The following GRM5 variants were observed in gnomAD, a reference collection of about 807,000 sequenced individuals.
GRM5 encodes metabotropic glutamate receptor 5.
GRM5 carries 19 observed loss-of-function variants against 83.1 expected under a neutral mutation model. The observed-to-expected ratio is 0.23, with a 90% CI of 0.16 to 0.34. The LOEUF is 0.34. Among genes scored for constraint, GRM5 ranks in the 10% least tolerant of loss-of-function variants. GRM5 has a pLI of 1.00. For synonymous variants in GRM5, 675 were observed against 633.6 expected (o/e 1.07, Z -0.98); for missense variants, 1,160 against 1,588.3 (o/e 0.73, Z 4.58).
rs145780253 is a variant in GRM5 at position 88,701,836 on chromosome 11, G to A, written c.912-48433C>T. On this transcript the variant is annotated intron_variant, in intron 3 of 9. Coordinates refer to ENST00000305447, the MANE Select transcript of GRM5 (RefSeq NM_001143831.3). ...TGTTTAGGTTAAGACAAGGAAGGCT[G>A]TTAACCAATGTACTGGGTCAGCGTG... Among the ~76,000 whole-genome samples, 30 of 152,250 alleles carry A rather than the reference G, an allele frequency of 2.0e-4. No individual in the cohort carries two copies. In the East Asian group the frequency reaches 5.8e-3, roughly 29 times the overall value.
chr11:88,661,678 C>A (rs969194449), intron 3 of GRM5, among the ~76,000 whole-genome samples: 11 of 152,200 alleles, frequency 7.2e-5, no homozygotes, highest in African/African-American at 2.4e-4. Context: ...TCTCAAATCT[C>A]TACACACTAG....
intron 2 of GRM5, among the ~76,000 whole-genome samples, chr11:88,980,663 A>G (rs376117769): frequency 8.6e-5 from 13 of 152,002 alleles, no homozygotes; most frequent in African/African-American, 2.4e-4. Flanking sequence ...TCTACTAAAA[A>G]ACACAAAAAG....
chr11:88,901,662 C>T (rs1370175931), intron 2 of GRM5, among the ~76,000 whole-genome samples: 2 of 152,194 alleles, frequency 1.3e-5, no homozygotes, highest in Admixed American at 1.3e-4. Flanking sequence ...TTCACATTAA[C>T]TTTTCAGCAA....
intron 3 of GRM5, among the ~76,000 whole-genome samples, chr11:88,733,829 A>G (rs921755875): frequency 1.3e-5 from 2 of 152,046 alleles, no homozygotes; most frequent in African/African-American, 4.8e-5. Flanking sequence ...CTTTAGAGAA[A>G]GGCAGTTGGC....
chr11:88,568,119 A>G, intron 7 of GRM5, 127 bp from the exon 8 acceptor site: 1 of 613,482 alleles, frequency 1.6e-6, no homozygotes. Flanking sequence ...TAATTTCAGA[A>G]TCTCCTGCTA....
intron 2 of GRM5, among the ~76,000 whole-genome samples, chr11:88,994,486 T>TA (rs1940109460): frequency 1.0e-4 from 13 of 126,244 alleles, no homozygotes; most frequent in South Asian, 2.6e-4. Flanking sequence ...TATATATATA[T>TA]TACAATTGCT....
At chr11:88,933,018 A>T (rs1444230344) in intron 2 of GRM5, among the ~76,000 whole-genome samples, 2 of 151,890 alleles carry the variant, frequency 1.3e-5, no homozygotes, top group Admixed American at 6.6e-5. Flanking sequence ...ACTATCTGAG[A>T]TTCTTTTAAA....
chr11:89,059,696 G>A (rs544861726), intron 1 of GRM5, among the ~76,000 whole-genome samples: 89 of 152,178 alleles, frequency 5.8e-4, no homozygotes, highest in Non-Finnish European at 1.1e-3. Flanking sequence ...CAGAAAACTC[G>A]ACATCCAAAG....
Position 88,686,509 on chromosome 11 carries a change from G to C in GRM5, c.912-33106C>G, listed in dbSNP as rs190506489. On this transcript the variant is annotated intron_variant, in intron 3 of 9. Transcript: ENST00000305447. ...GAAGACACGCTTGGTTTTGAAATGTGAAGGCATAAGATTTGGAGGGGCCAG... is the reference window on the plus strand; with the variant it reads ...GAAGACACGCTTGGTTTTGAAATGTCAAGGCATAAGATTTGGAGGGGCCAG... 2.8e-4 allele frequency among the ~76,000 whole-genome samples: 43 copies of C among 152,262 alleles called. No homozygotes were observed. The East Asian group carries it at 4.1e-3, about 14-fold the overall frequency.
intron 3 of GRM5, among the ~76,000 whole-genome samples, chr11:88,662,717 G>A (rs1055472390): frequency 6.6e-6 from 1 of 152,148 alleles, no homozygotes; most frequent in Non-Finnish European, 1.5e-5. Flanking sequence ...GAGAATCTCC[G>A]TTGTTGGCTT....
intron 3 of GRM5, among the ~76,000 whole-genome samples, chr11:88,825,229 C>T (rs1943874648): frequency 7.0e-6 from 1 of 143,590 alleles, no homozygotes; most frequent in African/African-American, 2.5e-5. Flanking sequence ...GGATCCTGAA[C>T]TTTTTTTTTT....
At chr11:88,920,530 T>C (rs1311106539) in intron 2 of GRM5, among the ~76,000 whole-genome samples, 1 of 150,970 alleles carries the variant, frequency 6.6e-6, no homozygotes, top group Admixed American at 6.6e-5. Flanking sequence ...TTCCAATATA[T>C]AGAGGAGGAG....
chr11:88,568,477 T>C (rs1942918153), intron 7 of GRM5, among the ~76,000 whole-genome samples: 1 of 152,118 alleles, frequency 6.6e-6, no homozygotes, highest in Non-Finnish European at 1.5e-5. Context: ...GGGAAGCCAC[T>C]GTATGACAGT....
intron 2 of GRM5, among the ~76,000 whole-genome samples, chr11:89,005,675 T>C (rs1940503641): frequency 6.6e-6 from 1 of 152,224 alleles, no homozygotes; most frequent in African/African-American, 2.4e-5. Context: ...TATTTATATC[T>C]GTGCCTGGCA....
At position 88,509,042 on chromosome 11, in the gene GRM5, A is replaced by C; in HGVS notation, c.3189T>G (p.Ser1063Arg). 3 of 1,561,396 alleles carry C rather than the reference A, an allele frequency of 1.9e-6. No individual in the cohort carries two copies. Among genetic ancestry groups the C allele is most frequent in the Non-Finnish European group, 2.6e-6 (3 of 1,152,314 alleles). ...SQGSLMEQIS[S>R]VVTRFTANIS... is the part of the protein sequence containing the mutation. ...TGTTGGCCGTGAAGCGGGTGACCAC[A>C]CTGCTGATCTGCTCCATGAGGGAGC... is the stretch of plus-strand genomic sequence containing the variant. The change falls in exon 10 of 10, where the codon AGT (serine) becomes AGG (arginine). Residue 1063 changes from serine (S) to arginine (R), a missense_variant. Ser to Arg is a moderately radical substitution (Grantham distance 110). Transcript: ENST00000305447.
At chr11:89,056,919 A>G (rs1941889071) in intron 1 of GRM5, among the ~76,000 whole-genome samples, 1 of 152,184 alleles carries the variant, frequency 6.6e-6, no homozygotes, top group Admixed American at 6.6e-5. Flanking sequence ...AAATACATAC[A>G]AAAGTATTTC....
intron 4 of GRM5, among the ~76,000 whole-genome samples, chr11:88,652,220 T>C (rs1939649574): frequency 6.6e-6 from 1 of 152,104 alleles, no homozygotes; most frequent in African/African-American, 2.4e-5. Context: ...TCATGTTCAA[T>C]TTGCATTTTC....
intron 2 of GRM5, among the ~76,000 whole-genome samples, chr11:89,016,984 C>A (rs539192529): frequency 1.6e-4 from 24 of 152,090 alleles, no homozygotes; most frequent in Non-Finnish European, 2.8e-4. Flanking sequence ...ATACAGGTAG[C>A]AAGGCTAGCA....
chr11:88,511,115 G>C (rs1321050198), intron 9 of GRM5, among the ~76,000 whole-genome samples: 1 of 152,194 alleles, frequency 6.6e-6, no homozygotes, highest in Non-Finnish European at 1.5e-5. Context: ...CTATGCTTTT[G>C]ACAAGCATTC....
Sources: allele counts gnomAD v4.1 joint callset (sites outside exome capture counted in the v4.1 genomes callset), GRCh38; gene constraint gnomAD v4.1.1; transcripts MANE v1.5; gene names NCBI Gene and HGNC (gene_info 2026-07-23, HGNC 2026-07-21).